SLC24A2: variants seen among roughly 807,000 people sequenced by gnomAD.
The protein encoded by SLC24A2 is sodium/potassium/calcium exchanger 2.
Under a neutral mutation model 62.0 loss-of-function variants are expected in SLC24A2, and 36 were observed. The observed-to-expected ratio is 0.58, with a 90% CI of 0.44 to 0.77. SLC24A2 has a LOEUF of 0.77. Among genes scored for constraint, SLC24A2 ranks in the 30% least tolerant of loss-of-function variants. The pLI is 0.00. For missense variants in SLC24A2, 846 were observed against 817.9 expected (o/e 1.03, Z -0.42); for synonymous variants, 358 against 294.0 (o/e 1.22, Z -2.23).
At chr9:20,044,201 T>G in the SLC24A2 span, among the ~76,000 whole-genome samples, 1 of 152,168 alleles carries the variant, frequency 6.6e-6, no homozygotes, top group African/African-American at 2.4e-5. Context: ...TATTCCACAC[T>G]TAATAGACTA....
intron 4 of SLC24A2, among the ~76,000 whole-genome samples, chr9:19,610,773 C>T (rs1837135632): frequency 6.6e-6 from 1 of 152,240 alleles, no homozygotes; most frequent in Non-Finnish European, 1.5e-5. Context: ...TACAACAGAG[C>T]CCTTTGACAG....
the SLC24A2 span, among the ~76,000 whole-genome samples, chr9:19,967,009 T>C: frequency 2.0e-5 from 3 of 152,304 alleles, no homozygotes; most frequent in Admixed American, 2.0e-4. Flanking sequence ...TTGACTTATT[T>C]TTTCTACTTA....
intron 5 of SLC24A2, among the ~76,000 whole-genome samples, chr9:19,582,722 A>T (rs1225677815): frequency 6.6e-6 from 1 of 152,092 alleles, no homozygotes; most frequent in Non-Finnish European, 1.5e-5. Context: ...TAAGTTAGGC[A>T]TAGACTTCAG....
chr9:19,535,852 T>C (rs766272866), intron 8 of SLC24A2, among the ~76,000 whole-genome samples: 5 of 152,166 alleles, frequency 3.3e-5, no homozygotes, highest in Non-Finnish European at 7.3e-5. Flanking sequence ...ATATGAACTT[T>C]AAAGCAGTTT....
chr9:19,858,806 T>C, the SLC24A2 span, among the ~76,000 whole-genome samples: 6 of 152,046 alleles, frequency 3.9e-5, no homozygotes, highest in Non-Finnish European at 8.8e-5. Context: ...TGAGAGACCA[T>C]CTCACTAGTC....
At chr9:19,896,098 T>C in the SLC24A2 span, 5 of 632,346 alleles carry the variant, frequency 7.9e-6, no homozygotes, top group Non-Finnish European at 1.4e-5. Flanking sequence ...CTTGGAGGAC[T>C]CTACTTCCGC....
chr9:19,631,395 C>G (rs1191338559), intron 2 of SLC24A2, among the ~76,000 whole-genome samples: 1 of 152,164 alleles, frequency 6.6e-6, no homozygotes, highest in East Asian at 1.9e-4. Context: ...GTCACTACTT[C>G]CTCATTCCTG....
At chr9:19,646,612 G>A (rs1300162181) in intron 2 of SLC24A2, among the ~76,000 whole-genome samples, 1 of 152,126 alleles carries the variant, frequency 6.6e-6, no homozygotes, top group Non-Finnish European at 1.5e-5. Flanking sequence ...AGATTTTGAT[G>A]GATAATAACA....
In SLC24A2 at chr9:19,514,221, T is replaced by C. The variant is rs1832842920; in HGVS notation, c.*1932A>G. 6.6e-6 allele frequency: 1 copy of C among 152,276 alleles called. No homozygotes were observed. The highest frequency in any genetic ancestry group is 6.5e-5 in the Admixed American group (1 of 15,268). The allele number at this position is 152,276 out of a possible 1,614,324, so 9.4% of individuals were successfully genotyped here. On this transcript the variant is annotated 3_prime_UTR_variant, in exon 11 of 11. Transcript: ENST00000341998. ...AGGAATACTGAGCTTGATCTGGGGC[T>C]GTCAGGTTACCTTTCCTCTTATTCT...
the SLC24A2 span, among the ~76,000 whole-genome samples, chr9:20,284,403 G>A: frequency 3.6e-4 from 54 of 151,954 alleles, no homozygotes; most frequent in Non-Finnish European, 6.0e-4. Context: ...TCAACCTCCC[G>A]AGTAGCTGGA....
chr9:19,771,364 A>G (rs1447813769), intron 2 of SLC24A2, among the ~76,000 whole-genome samples: 2 of 152,198 alleles, frequency 1.3e-5, no homozygotes. Context: ...ACGCCAAAAC[A>G]TATGTTTCCT....
At chr9:19,608,692 T>C (rs1837057899) in intron 4 of SLC24A2, among the ~76,000 whole-genome samples, 1 of 152,138 alleles carries the variant, frequency 6.6e-6, no homozygotes, top group Non-Finnish European at 1.5e-5. Context: ...GAGTGGGTAC[T>C]ACAAAAGTTC....
chr9:19,592,466 A>T (rs1836580910), intron 5 of SLC24A2, among the ~76,000 whole-genome samples: 1 of 151,768 alleles, frequency 6.6e-6, no homozygotes. Context: ...ATTAGTTGGG[A>T]TATCTACCGA....
the SLC24A2 span, among the ~76,000 whole-genome samples, chr9:19,824,613 G>A: frequency 3.3e-5 from 5 of 152,110 alleles, no homozygotes; most frequent in Non-Finnish European, 7.4e-5. Flanking sequence ...ACAGTGTGGC[G>A]ATTCCTCAAG....
chr9:19,896,289 GT>G, the SLC24A2 span, among the ~76,000 whole-genome samples: 11 of 152,342 alleles, frequency 7.2e-5, no homozygotes, highest in Admixed American at 2.0e-4. Context: ...AAGAGCCAAT[GT>G]TTTTTACTTT....
At chr9:20,172,357 AT>A in the SLC24A2 span, among the ~76,000 whole-genome samples, 1 of 152,102 alleles carries the variant, frequency 6.6e-6, no homozygotes, top group African/African-American at 2.4e-5. Context: ...TCAGAGCAGA[AT>A]TTAATGAAAT....
chr9:19,657,529 C>T (rs532179845), intron 2 of SLC24A2, among the ~76,000 whole-genome samples: 30 of 152,130 alleles, frequency 2.0e-4, no homozygotes, highest in African/African-American at 6.7e-4. Context: ...TGTCCTAATG[C>T]GCTCCCTCCC....
At chr9:19,546,024 C>G (rs1266238554) in intron 8 of SLC24A2, among the ~76,000 whole-genome samples, 1 of 152,186 alleles carries the variant, frequency 6.6e-6, no homozygotes, top group African/African-American at 2.4e-5. Flanking sequence ...TGGATATCAC[C>G]AGAGGAGGCT....
At chr9:20,257,787 A>G in the SLC24A2 span, among the ~76,000 whole-genome samples, 2 of 152,130 alleles carry the variant, frequency 1.3e-5, no homozygotes, top group African/African-American at 4.8e-5. Flanking sequence ...CACATAGCAA[A>G]CCCTCAATAA....
Sources: gnomAD v4.1 joint callset for allele counts (sites outside exome capture counted in the v4.1 genomes callset) on GRCh38, gnomAD v4.1.1 for gene constraint, MANE v1.5 for transcripts, NCBI Gene and HGNC (gene_info 2026-07-23, HGNC 2026-07-21) for gene names.